Variants in KAZN observed in about 807,000 individuals in gnomAD.
The protein encoded by KAZN is kazrin, periplakin interacting protein.
In KAZN, 40 loss-of-function variants were observed where a neutral mutation model predicts 87.4. That is an observed-to-expected ratio of 0.46 (90% CI 0.36 to 0.60). The LOEUF (loss-of-function observed/expected upper bound fraction) is 0.60, where lower values mean the gene tolerates loss of function less well. KAZN is among the 20% of genes least tolerant of loss of function. The probability of loss-of-function intolerance (pLI) is 0.00; values close to 1 mark genes in which losing one functional copy is unlikely to be tolerated. For synonymous variants in KAZN, 466 were observed against 458.3 expected (o/e 1.02, Z -0.22); for missense variants, 898 against 1,073.9 (o/e 0.84, Z 2.29).
At chr1:14,139,927 ATGTGTGTGTGTGTGTGTGTGTGTG>A (rs541192220) in intron 1 of KAZN, among the ~76,000 whole-genome samples, 10 of 136,702 alleles carry the variant, frequency 7.3e-5, no homozygotes, top group East Asian at 4.0e-4. Flanking sequence ...TTTGAGGTAA[ATGTGTGTGTGTGTGTGTGTGTGTG>A]TGTGTGTGTG....
chr1:14,718,238 C>T (rs146711857), intron 1 of KAZN, among the ~76,000 whole-genome samples: 188 of 152,354 alleles, frequency 1.2e-3, no homozygotes, highest in African/African-American at 4.2e-3. Context: ...CGCTCATTTC[C>T]GTTAAGTGCC....
intron 1 of KAZN, among the ~76,000 whole-genome samples, chr1:14,157,614 G>T (rs970517567): frequency 1.3e-5 from 2 of 152,094 alleles, no homozygotes; most frequent in African/African-American, 4.8e-5. Context: ...GGGCCCCATT[G>T]TATGTTATTT....
chr1:14,097,746 T>C (rs886375873), intron 1 of KAZN, among the ~76,000 whole-genome samples: 7 of 152,218 alleles, frequency 4.6e-5, no homozygotes, highest in African/African-American at 1.7e-4. Flanking sequence ...TAGCTCAATC[T>C]GGCTCTCAGA....
At chr1:14,049,057 A>T (rs1454295281) in intron 1 of KAZN, among the ~76,000 whole-genome samples, 1 of 152,194 alleles carries the variant, frequency 6.6e-6, no homozygotes, top group African/African-American at 2.4e-5. Flanking sequence ...AAAGACTTGG[A>T]ACCAACCCAA....
chr1:14,924,641 G>A, intron 1 of KAZN: 1 of 879,150 alleles, frequency 1.1e-6, no homozygotes, highest in Non-Finnish European at 1.4e-6. Context: ...GGGGCCGGGC[G>A]CGCGAGGGCG....
intron 2 of KAZN, among the ~76,000 whole-genome samples, chr1:14,493,318 A>G (rs1357222606): frequency 1.3e-5 from 2 of 152,250 alleles, no homozygotes; most frequent in African/African-American, 2.4e-5. Flanking sequence ...GAAAGAACGG[A>G]AGATGAAAGC....
chr1:14,237,134 C>A (rs1056965032), intron 2 of KAZN, among the ~76,000 whole-genome samples: 1 of 152,118 alleles, frequency 6.6e-6, no homozygotes, highest in African/African-American at 2.4e-5. Context: ...TAAGGTTCAT[C>A]TTTAAGGGAG....
intron 1 of KAZN, among the ~76,000 whole-genome samples, chr1:14,786,972 T>A (rs896679573): frequency 1.1e-4 from 16 of 152,158 alleles, no homozygotes; most frequent in African/African-American, 3.9e-4. Flanking sequence ...TTGAATCATG[T>A]TTTCTGCTTA....
chr1:14,673,886 T>C (rs1317931292), intron 1 of KAZN, among the ~76,000 whole-genome samples: 2 of 152,206 alleles, frequency 1.3e-5, no homozygotes, highest in Admixed American at 1.3e-4. Flanking sequence ...ATTCTCAAAG[T>C]CCTCAGTCCT....
At chr1:14,994,152 T>G (rs1429756093) in intron 2 of KAZN, among the ~76,000 whole-genome samples, 2 of 152,248 alleles carry the variant, frequency 1.3e-5, no homozygotes, top group South Asian at 4.1e-4. Context: ...GCAGGGCCTG[T>G]GAATTGGGTC....
chr1:14,316,570 C>T, intron 2 of KAZN, among the ~76,000 whole-genome samples: 1 of 150,828 alleles, frequency 6.6e-6, no homozygotes, highest in African/African-American at 2.4e-5. Context: ...CTGCTGTTAC[C>T]TTTACTTTCC....
intron 1 of KAZN, among the ~76,000 whole-genome samples, chr1:13,920,845 G>A (rs1174063544): frequency 1.3e-5 from 2 of 152,204 alleles, no homozygotes; most frequent in Non-Finnish European, 2.9e-5. Context: ...TTGGCCATTA[G>A]GCTGATGTTT....
At chr1:14,985,897 C>T (rs190776996) in intron 2 of KAZN, among the ~76,000 whole-genome samples, 23 of 150,018 alleles carry the variant, frequency 1.5e-4, no homozygotes, top group African/African-American at 4.9e-4. Context: ...CAGCTACTCA[C>T]GAGGCTGAGG....
intron 2 of KAZN, among the ~76,000 whole-genome samples, chr1:14,368,528 G>A (rs1014885796): frequency 1.3e-5 from 2 of 152,184 alleles, no homozygotes; most frequent in African/African-American, 4.8e-5. Flanking sequence ...ACTGAAGCCT[G>A]CTAACAACCC....
At chr1:14,947,100 G>A (rs1661897506) in intron 1 of KAZN, among the ~76,000 whole-genome samples, 1 of 152,206 alleles carries the variant, frequency 6.6e-6, no homozygotes, top group South Asian at 2.1e-4. Context: ...GGGTGGGAAA[G>A]AAAGCAGGGC....
chr1:14,919,043 C>A (rs990111694), intron 1 of KAZN, among the ~76,000 whole-genome samples: 5 of 152,016 alleles, frequency 3.3e-5, no homozygotes, highest in Admixed American at 1.3e-4. Flanking sequence ...CAAAACATAC[C>A]CACGCAACTA....
At chr1:14,952,068 C>G (rs1211830926) in intron 1 of KAZN, among the ~76,000 whole-genome samples, 2 of 152,150 alleles carry the variant, frequency 1.3e-5, no homozygotes, top group Non-Finnish European at 2.9e-5. Context: ...GAGATGAGGG[C>G]TGTCATCCAG....
intron 1 of KAZN, among the ~76,000 whole-genome samples, chr1:14,954,727 C>T (rs891821739): frequency 2.0e-5 from 3 of 152,124 alleles, no homozygotes; most frequent in Non-Finnish European, 4.4e-5. Flanking sequence ...GAGACTGAGG[C>T]GGGCAGATCA....
intron 1 of KAZN, among the ~76,000 whole-genome samples, chr1:14,102,529 C>T (rs1644280255): frequency 6.6e-6 from 1 of 152,022 alleles, no homozygotes; most frequent in Non-Finnish European, 1.5e-5. Flanking sequence ...TTGTAAACTG[C>T]TGCTGGCTTC....
Sources: allele counts gnomAD v4.1 joint callset (sites outside exome capture counted in the v4.1 genomes callset), GRCh38; gene constraint gnomAD v4.1.1; transcripts MANE v1.5; gene names NCBI Gene and HGNC (gene_info 2026-07-23, HGNC 2026-07-21).